DMTN: variants seen among roughly 807,000 people sequenced by gnomAD.
The protein encoded by DMTN is dematin actin binding protein, also known as dematin.
In DMTN, 27 loss-of-function variants were observed where a neutral mutation model predicts 59.4. The observed-to-expected ratio is 0.45, with a 90% CI of 0.33 to 0.63. The LOEUF is 0.63. Among genes scored for constraint, DMTN ranks in the 20% least tolerant of loss-of-function variants. The probability of loss-of-function intolerance (pLI) is 0.02; values close to 1 mark genes in which losing one functional copy is unlikely to be tolerated. For synonymous variants in DMTN, 221 were observed against 203.7 expected (o/e 1.08, Z -0.72); for missense variants, 451 against 528.9 (o/e 0.85, Z 1.45).
At chr8:22,070,041 C>T (rs1487160374) in intron 7 of DMTN, 104 bp downstream of exon 7, 8 of 1,560,704 alleles carry the variant, frequency 5.1e-6, no homozygotes, top group Middle Eastern at 1.7e-4. Context: ...GATAGCATGT[C>T]ACAGCAGCAC....
rs1454140983 is a variant in DMTN at position 22,069,607 on chromosome 8, G to A, written c.394+89G>A. Reference sequence around the variant, plus strand: ...CTTACGCTCAGTCCCCCACTCTCTGGGGTATATGCTCGCCTCAGGGCTAAG... The same window carrying A: ...CTTACGCTCAGTCCCCCACTCTCTGAGGTATATGCTCGCCTCAGGGCTAAG... On this transcript the variant is annotated intron_variant, in intron 6 of 15. Transcript: ENST00000358242. The A allele has an allele frequency of 3.4e-6, 4 of 1,181,824 alleles. No homozygotes were observed. In the East Asian group the frequency reaches 9.9e-5, roughly 29 times the overall value. 73.2% of individuals were successfully genotyped at this position (1,181,824 alleles called of 1,614,324 possible).
upstream of DMTN, among the ~76,000 whole-genome samples, chr8:22,051,211 C>T (rs771511769): frequency 6.6e-5 from 10 of 152,138 alleles, no homozygotes; most frequent in African/African-American, 9.7e-5. Flanking sequence ...GTGGCGGCAG[C>T]GGCCACCAGT....
chr8:22,059,450 A>G (rs1804712323), intron 1 of DMTN: 2 of 152,222 alleles, frequency 1.3e-5, no homozygotes, highest in South Asian at 2.1e-4. Context: ...CTGCTCTTCT[A>G]CAGATGCCAT....
At chr8:22,061,282 CAA>C (rs533576492) in intron 1 of DMTN, among the ~76,000 whole-genome samples, 37 of 66,510 alleles carry the variant, frequency 5.6e-4, no homozygotes, top group Admixed American at 6.9e-4. Context: ...GACCCTGTCT[CAA>C]AAAAAAAAAA....
Position 22,081,453 on chromosome 8 carries a change from C to T in DMTN, c.1208C>T (p.Ser403Phe), listed in dbSNP as rs988329290. 1.2e-6 allele frequency: 2 copies of T among 1,614,000 alleles called. No individual in the cohort carries two copies. Among genetic ancestry groups the T allele is most frequent in the African/African-American group, 2.7e-5 (2 of 74,930 alleles). Residue 403 changes from serine to phenylalanine, a missense_variant, in exon 16 of 16, where the codon TCT (serine) becomes TTT (phenylalanine). By Grantham distance (155) the Ser-to-Phe change is radical. Transcript: ENST00000358242. The part of the protein sequence containing the change: ...WKRNELKKKA[S>F]LF Reference sequence around the variant, plus strand: ...CGGAATGAGCTCAAGAAGAAGGCCTCTCTCTTCTGATGGCCCCCACCTGCT... The same window carrying T: ...CGGAATGAGCTCAAGAAGAAGGCCTTTCTCTTCTGATGGCCCCCACCTGCT...
At chr8:22,073,464 TA>T (rs1026323716) in intron 9 of DMTN, among the ~76,000 whole-genome samples, 55 of 144,366 alleles carry the variant, frequency 3.8e-4, no homozygotes, top group Non-Finnish European at 7.0e-4. Context: ...CATCTGTATA[TA>T]AAAAAAAAAC....
rs141053149 is a variant in DMTN at position 22,067,797 on chromosome 8, G to C, written c.249+115G>C. ...GGAGGTCTGCCTCGGCAAAACAAGAGAGGGAACTGTGCGCAGGAACCAACC... is the reference window on the plus strand; with the variant it reads ...GGAGGTCTGCCTCGGCAAAACAAGACAGGGAACTGTGCGCAGGAACCAACC... On this transcript the variant is annotated intron_variant, in intron 4 of 15. Transcript: ENST00000358242. 329 of 1,290,610 alleles carry C rather than the reference G, an allele frequency of 2.5e-4. 2 individuals are homozygous for C. In the African/African-American group the frequency reaches 4.4e-3, roughly 17 times the overall value. The allele number at this position is 1,290,610 out of a possible 1,614,324, so 79.9% of individuals were successfully genotyped here.
chr8:22,067,309 C>T (rs939267400), intron 3 of DMTN, 150 bp downstream of exon 3: 2 of 1,109,118 alleles, frequency 1.8e-6, no homozygotes, highest in Non-Finnish European at 2.6e-6. Context: ...CCCAGAGAAG[C>T]TCCCATATCC....
chr8:22,080,359 G>A (rs7835670), intron 11 of DMTN, 53 bp from the exon 12 acceptor site: 1,334,346 of 1,613,596 alleles, frequency 0.83, 554,810 homozygotes, highest in East Asian at 0.98. Context: ...AAAGTGAAGG[G>A]GACCAAAGGT....
At chr8:22,075,516 A>ATT (rs386412281) in intron 10 of DMTN, among the ~76,000 whole-genome samples, 2,817 of 87,692 alleles carry the variant, frequency 0.032, 322 homozygotes, top group African/African-American at 0.11. Context: ...GCCCAGCTAA[A>ATT]TTTTTTTTTT....
Position 22,080,854 on chromosome 8 carries a change from G to A in DMTN, c.1007G>A (p.Cys336Tyr). 6.3e-7 allele frequency: 1 copy of A among 1,582,922 alleles called. No homozygotes were observed. The highest frequency in any genetic ancestry group is 8.6e-7 in the Non-Finnish European group (1 of 1,161,818). The change falls in exon 14 of 16, where the codon TGT becomes TAT. Residue 336 changes from cysteine to tyrosine, a missense_variant. By Grantham distance (194) the Cys-to-Tyr change is radical. Coordinates refer to ENST00000358242, the MANE Select transcript of DMTN (RefSeq NM_001387751.1). The stretch of plus-strand genomic sequence containing the variant: ...ATGGACCGGGGGAACTCCCTGCCCT[G>A]TGTGCTGGAGCAGAAGGTGAGGGGC... ...GRMDRGNSLP[C>Y]VLEQKIYPYE... is the part of the protein sequence containing the mutation.
upstream of DMTN, among the ~76,000 whole-genome samples, chr8:22,051,811 C>T (rs942329216): frequency 6.6e-6 from 1 of 152,204 alleles, no homozygotes; most frequent in African/African-American, 2.4e-5. Context: ...ACACTGCCCT[C>T]CAGTCCAGTA....
intron 1 of DMTN, among the ~76,000 whole-genome samples, chr8:22,064,321 C>G (rs1433659853): frequency 6.6e-6 from 1 of 152,268 alleles, no homozygotes; most frequent in African/African-American, 2.4e-5. Flanking sequence ...AATAGCTCTT[C>G]AAGTATGTAC....
At chr8:22,072,272 C>T in intron 8 of DMTN, 54 bp from the exon 9 acceptor site, 1 of 1,553,282 alleles carries the variant, frequency 6.4e-7, no homozygotes, top group South Asian at 1.2e-5. Flanking sequence ...CATGTAAACA[C>T]ACACTGACCC....
intron 3 of DMTN, 27 bp from the exon 4 acceptor site, chr8:22,067,500 C>G: frequency 6.2e-7 from 1 of 1,613,242 alleles, no homozygotes; most frequent in Non-Finnish European, 8.5e-7. Context: ...TTCGGCACAG[C>G]AGTTTCACGC....
chr8:22,081,792 C>T lies in DMTN; in HGVS notation c.*329C>T, dbSNP rs1472809903. On this transcript the variant is annotated 3_prime_UTR_variant, in exon 16 of 16. Transcript: ENST00000358242. Reference sequence around the variant, plus strand: ...GAATGAGGGGCATTGGTGGTTAGGCCGGTTGGCTGTCTTGAACAGCTGGAG... The same window carrying T: ...GAATGAGGGGCATTGGTGGTTAGGCTGGTTGGCTGTCTTGAACAGCTGGAG... 20 of 502,688 alleles carry T rather than the reference C, an allele frequency of 4.0e-5. No homozygotes were observed. Among genetic ancestry groups the T allele is most frequent in the South Asian group, 2.2e-4 (14 of 63,356 alleles). 31.1% of individuals were successfully genotyped at this position (502,688 alleles called of 1,614,324 possible). A position where few individuals can be genotyped will look rare whatever the true frequency, so the allele number is the denominator to read the frequency against.
intron 6 of DMTN, 25 bp downstream of exon 6, chr8:22,069,543 T>C (rs1813547579): frequency 6.4e-7 from 1 of 1,559,432 alleles, no homozygotes; most frequent in Non-Finnish European, 8.7e-7. Context: ...CACGACCTCA[T>C]TGTTTCCTAA....
chr8:22,082,117 A>G lies in DMTN; in HGVS notation c.*654A>G, dbSNP rs750654107. 3.5e-5 allele frequency: 16 copies of G among 456,226 alleles called. No homozygotes were observed. 28.3% of individuals were successfully genotyped at this position (456,226 alleles called of 1,614,324 possible). ...CGCCTACACACGATCCTGGCCCTCC[A>G]CCTGCCTCCAGGCCACGAAATGGGA... On this transcript the variant is annotated 3_prime_UTR_variant, in exon 16 of 16. Coordinates refer to ENST00000358242, the MANE Select transcript of DMTN (RefSeq NM_001387751.1).
Position 22,070,351 on chromosome 8 carries a change from G to A in DMTN, c.604+17G>A, listed in dbSNP as rs1249887833. The A allele has an allele frequency of 1.3e-6, 2 of 1,583,058 alleles. No individual in the cohort carries two copies. The highest frequency in any genetic ancestry group is 2.2e-5 in the East Asian group (1 of 44,524). ...CTGTTGTGGGTAGGAGAGATGGGGA[G>A]AGTGGAATGGGTGGTCTGGGAAACT... is the stretch of plus-strand genomic sequence containing the variant. On this transcript the variant is annotated intron_variant, in intron 8 of 15. Coordinates refer to ENST00000358242, the MANE Select transcript of DMTN (RefSeq NM_001387751.1).
Sources: allele counts gnomAD v4.1 joint callset (sites outside exome capture counted in the v4.1 genomes callset), GRCh38; gene constraint gnomAD v4.1.1; transcripts MANE v1.5; gene names NCBI Gene and HGNC (gene_info 2026-07-23, HGNC 2026-07-21).